Variants in CHRM3 observed in about 807,000 individuals in gnomAD.
CHRM3 encodes the protein cholinergic receptor muscarinic 3, also known as muscarinic acetylcholine receptor M3.
A neutral mutation model predicts 41.8 loss-of-function variants in CHRM3; 11 were observed. That is an observed-to-expected ratio of 0.26 (90% CI 0.17 to 0.44). CHRM3 has a LOEUF of 0.44. CHRM3 is among the 20% of genes least tolerant of loss of function. The probability of loss-of-function intolerance (pLI) is 1.00; values close to 1 mark genes in which losing one functional copy is unlikely to be tolerated. For missense variants in CHRM3, 571 were observed against 745.4 expected (o/e 0.77, Z 2.72); for synonymous variants, 297 against 301.4 (o/e 0.99, Z 0.15).
chr1:239,639,254 T>G (rs904045606), intron 4 of CHRM3, among the ~76,000 whole-genome samples: 34 of 152,204 alleles, frequency 2.2e-4, no homozygotes, highest in Non-Finnish European at 3.5e-4. Flanking sequence ...TAGGCTCTAT[T>G]TTGGTTCCAT....
At chr1:239,600,009 C>A (rs1012395986) in intron 3 of CHRM3, among the ~76,000 whole-genome samples, 3 of 152,110 alleles carry the variant, frequency 2.0e-5, no homozygotes, top group Non-Finnish European at 4.4e-5. Flanking sequence ...CTGATTTCTC[C>A]CTCAACCTGC....
intron 2 of CHRM3, among the ~76,000 whole-genome samples, chr1:239,543,515 T>TA (rs915487267): frequency 7.0e-6 from 1 of 143,318 alleles, no homozygotes; most frequent in African/African-American, 2.5e-5. Context: ...TTTATTTTAT[T>TA]TTTTTTTTTT....
At chr1:239,807,940 G>A (rs746809949) in intron 5 of CHRM3, among the ~76,000 whole-genome samples, 1 of 152,028 alleles carries the variant, frequency 6.6e-6, no homozygotes, top group Non-Finnish European at 1.5e-5. Flanking sequence ...AAGTCATTAT[G>A]ATTATCTCAT....
intron 1 of CHRM3, among the ~76,000 whole-genome samples, chr1:239,461,893 C>T (rs913554676): frequency 6.6e-5 from 10 of 152,084 alleles, no homozygotes; most frequent in Non-Finnish European, 1.0e-4. Flanking sequence ...AGCTCTCTTT[C>T]CCCTCAGCAT....
intron 5 of CHRM3, among the ~76,000 whole-genome samples, chr1:239,825,705 G>T (rs908312901): frequency 6.6e-6 from 1 of 152,140 alleles, no homozygotes; most frequent in Non-Finnish European, 1.5e-5. Flanking sequence ...TAAAAAGGAA[G>T]GAAATTCTTT....
chr1:239,420,782 A>G (rs902536960), intron 1 of CHRM3, among the ~76,000 whole-genome samples: 7 of 152,162 alleles, frequency 4.6e-5, no homozygotes, highest in South Asian at 4.1e-4. Flanking sequence ...TGTATCTTTT[A>G]CCTCAGTATA....
intron 5 of CHRM3, among the ~76,000 whole-genome samples, chr1:239,823,882 A>C (rs2149060823): frequency 6.6e-6 from 1 of 152,238 alleles, no homozygotes; most frequent in East Asian, 1.9e-4. Context: ...TAAAAGAGTG[A>C]CAAATGCAGT....
chr1:239,853,385 C>A (rs1416302560), intron 6 of CHRM3, among the ~76,000 whole-genome samples: 16 of 151,814 alleles, frequency 1.1e-4, no homozygotes, highest in South Asian at 4.2e-4. Flanking sequence ...TTGAAATAGT[C>A]TTGTTTTTTT....
At chr1:239,723,090 G>C (rs569146642) in intron 5 of CHRM3, among the ~76,000 whole-genome samples, 80 of 151,894 alleles carry the variant, frequency 5.3e-4, no homozygotes, top group South Asian at 2.5e-3. Flanking sequence ...ACCTCTGTAA[G>C]GTGAGAAATA....
intron 3 of CHRM3, among the ~76,000 whole-genome samples, chr1:239,601,753 G>A (rs1357007346): frequency 6.6e-6 from 1 of 152,092 alleles, no homozygotes; most frequent in Non-Finnish European, 1.5e-5. Flanking sequence ...TTCTGTGGCT[G>A]CTCTTATAGT....
At chr1:239,780,742 T>C (rs560234190) in intron 5 of CHRM3, among the ~76,000 whole-genome samples, 1 of 152,248 alleles carries the variant, frequency 6.6e-6, no homozygotes, top group South Asian at 2.1e-4. Flanking sequence ...TATAATTTTA[T>C]ATTTTACATT....
rs201952053 is a variant in CHRM3, at chr1:239,545,073, TA to T, written c.-421-562del. ...AAGGTAATGATCAAAACATAGGCCA[TA>T]AAAAATTCACATCACGGGATAAGTT... On this transcript the variant is annotated intron_variant, in intron 2 of 6. Coordinates refer to ENST00000676153, the MANE Select transcript of CHRM3 (RefSeq NM_001375978.1). Among the ~76,000 whole-genome samples the T allele has an allele frequency of 9.4e-3, 1,427 of 152,248 alleles. 19 individuals are homozygous for T. Among genetic ancestry groups the T allele is most frequent in the African/African-American group, 0.033 (1,373 of 41,554 alleles).
rs192001714 is a variant in CHRM3, at chr1:239,689,126, A to G, written c.-147+10838A>G. On this transcript the variant is annotated intron_variant, in intron 5 of 6. Coordinates refer to ENST00000676153, the MANE Select transcript of CHRM3 (RefSeq NM_001375978.1). ...ACTACCTTCTTTCTAATACAATACT[A>G]CTACATTTATTTACAAATTCTCTAA... 1.4e-4 allele frequency among the ~76,000 whole-genome samples: 22 copies of G among 152,010 alleles called. No individual in the cohort carries two copies. In the East Asian group the frequency reaches 4.2e-3, roughly 29 times the overall value.
intron 5 of CHRM3, among the ~76,000 whole-genome samples, chr1:239,823,265 C>T (rs1363967335): frequency 6.6e-6 from 1 of 152,038 alleles, no homozygotes; most frequent in South Asian, 2.1e-4. Flanking sequence ...GAGTCAATGA[C>T]ATAATCATAT....
At chr1:239,559,637 G>T (rs1049580976) in intron 3 of CHRM3, among the ~76,000 whole-genome samples, 8 of 152,152 alleles carry the variant, frequency 5.3e-5, no homozygotes, top group African/African-American at 1.9e-4. Context: ...AGACATTATT[G>T]TTAGTTGCGA....
intron 1 of CHRM3, among the ~76,000 whole-genome samples, chr1:239,463,406 A>G (rs967377011): frequency 2.0e-5 from 3 of 152,038 alleles, no homozygotes; most frequent in African/African-American, 7.2e-5. Flanking sequence ...CTTTTCCCCC[A>G]GGAACTGTGC....
chr1:239,587,884 G>T (rs144568985), intron 3 of CHRM3, among the ~76,000 whole-genome samples: 2,157 of 152,178 alleles, frequency 0.014, 33 homozygotes, highest in Middle Eastern at 0.02. Flanking sequence ...AACCAATCTG[G>T]TTTTCTCACA....
intron 5 of CHRM3, among the ~76,000 whole-genome samples, chr1:239,688,844 AT>A (rs1486766073): frequency 1.4e-5 from 2 of 141,042 alleles, no homozygotes; most frequent in Non-Finnish European, 3.0e-5. Flanking sequence ...TAATATATAT[AT>A]TTATATATTT....
At position 239,642,812 on chromosome 1, in the gene CHRM3, G is replaced by A. The variant is rs555365424; in HGVS notation, c.-250+10526G>A. On this transcript the variant is annotated intron_variant, in intron 4 of 6. Transcript: ENST00000676153. Reference sequence around the variant, plus strand: ...AGCTTTGTTCCATTGCTGGTGAGGAGCTGCGTTCCTTTGGAGGAGGAGAGG... The same window carrying A: ...AGCTTTGTTCCATTGCTGGTGAGGAACTGCGTTCCTTTGGAGGAGGAGAGG... Among the ~76,000 whole-genome samples the A allele has an allele frequency of 5.4e-3, 823 of 152,310 alleles. 8 individuals are homozygous for A. Among genetic ancestry groups the A allele is most frequent in the African/African-American group, 0.018 (769 of 41,568 alleles).
Sources: allele counts gnomAD v4.1 joint callset (sites outside exome capture counted in the v4.1 genomes callset), GRCh38; gene constraint gnomAD v4.1.1; transcripts MANE v1.5; gene names NCBI Gene and HGNC (gene_info 2026-07-23, HGNC 2026-07-21).